GOLM2: variants seen among roughly 807,000 people sequenced by gnomAD.
The protein encoded by GOLM2 is golgi membrane protein 2.
GOLM2 carries 26 observed loss-of-function variants against 55.9 expected under a neutral mutation model. The observed-to-expected ratio is 0.47, with a 90% confidence interval of 0.34 to 0.65. The LOEUF (loss-of-function observed/expected upper bound fraction) is 0.65. Ranked by LOEUF, GOLM2 falls within the 30% of genes least tolerant of loss-of-function variation. GOLM2 has a pLI of 0.01. For missense variants in GOLM2, 486 were observed against 531.8 expected, an observed-to-expected ratio of 0.91 and a Z score of 0.85; for synonymous variants, 165 against 194.6, an observed-to-expected ratio of 0.85 and a Z score of 1.27.
intron 1 of GOLM2, among the ~76,000 whole-genome samples, chr15:44,311,017 A>AAAC (rs768821446): frequency 1.1e-4 from 17 of 152,098 alleles, no homozygotes; most frequent in Admixed American, 2.0e-4. Flanking sequence ...ACTTCATTTC[A>AAAC]AACAACAACA....
In GOLM2 at chr15:44,289,018, C is replaced by G; in HGVS notation, c.-12C>G. ...GCGGCGAGGCCCCTAGGGTACAGCCCGATTTGGCCCCATGGTGGGTTTCGG... is the reference window on the plus strand; with the variant it reads ...GCGGCGAGGCCCCTAGGGTACAGCCGGATTTGGCCCCATGGTGGGTTTCGG... On this transcript the variant is annotated 5_prime_UTR_variant, in exon 1 of 10. Transcript: ENST00000299957. This position sits in a 1 kb window ranked among gnomAD's most constrained non-coding sequence, Gnocchi z 4.8. 6.2e-7 allele frequency: 1 copy of G among 1,609,116 alleles called. No homozygotes were observed. Among genetic ancestry groups the G allele is most frequent in the Non-Finnish European group, 8.5e-7 (1 of 1,177,202 alleles).
At chr15:44,328,168 A>C (rs931626292) in intron 2 of GOLM2, among the ~76,000 whole-genome samples, 3 of 152,274 alleles carry the variant, frequency 2.0e-5, no homozygotes, top group Admixed American at 2.0e-4. Context: ...AAGCCACTGA[A>C]GCTATATTTT....
At chr15:44,374,243 C>T (rs79849826) in intron 6 of GOLM2, among the ~76,000 whole-genome samples, 2,887 of 152,186 alleles carry the variant, frequency 0.019, 39 homozygotes, top group Non-Finnish European at 0.028. Context: ...TGTATTTTCT[C>T]TTTGTGATAA....
intron 1 of GOLM2, among the ~76,000 whole-genome samples, chr15:44,295,236 T>G (rs1414004125): frequency 6.6e-6 from 1 of 152,148 alleles, no homozygotes; most frequent in Non-Finnish European, 1.5e-5. Flanking sequence ...CATGCCACCA[T>G]GCCTGGCTAA....
chr15:44,321,512 G>A (rs1325515699), intron 1 of GOLM2, among the ~76,000 whole-genome samples: 6 of 150,616 alleles, frequency 4.0e-5, no homozygotes, highest in Non-Finnish European at 8.9e-5. Flanking sequence ...GCATGAGGGA[G>A]ATCTTTGTGA....
At chr15:44,321,994 A>G (rs1392097958) in intron 1 of GOLM2, among the ~76,000 whole-genome samples, 1 of 152,162 alleles carries the variant, frequency 6.6e-6, no homozygotes, top group Non-Finnish European at 1.5e-5. Context: ...CTGGAGGTCA[A>G]GGCTGCAGTG....
At chr15:44,351,047 C>T (rs1420251690) in intron 6 of GOLM2, among the ~76,000 whole-genome samples, 1 of 152,076 alleles carries the variant, frequency 6.6e-6, no homozygotes, top group Non-Finnish European at 1.5e-5. Context: ...AACTGAAAGC[C>T]TTTTCTCTAA....
At chr15:44,367,744 G>C (rs1223458446) in intron 6 of GOLM2, among the ~76,000 whole-genome samples, 1 of 150,244 alleles carries the variant, frequency 6.7e-6, no homozygotes, top group Non-Finnish European at 1.5e-5. Context: ...GCAGTGAGCC[G>C]AGACCACGCC....
intron 9 of GOLM2, among the ~76,000 whole-genome samples, chr15:44,405,777 C>G (rs1039149776): frequency 6.6e-6 from 1 of 152,050 alleles, no homozygotes; most frequent in Non-Finnish European, 1.5e-5. Flanking sequence ...TGCACCACCA[C>G]GTCCAGCTAA....
intron 9 of GOLM2, chr15:44,409,744 T>TG: frequency 7.7e-6 from 1 of 130,564 alleles, no homozygotes; most frequent in African/African-American, 2.9e-5. Context: ...CCGTCTCTAC[T>TG]AAAAAAAAAA....
chr15:44,358,677 G>A (rs1012237764), intron 6 of GOLM2, among the ~76,000 whole-genome samples: 24 of 152,084 alleles, frequency 1.6e-4, no homozygotes, highest in African/African-American at 3.6e-4. Context: ...AGACATAGAC[G>A]TTATACCCTC....
Position 44,380,809 on chromosome 15 carries a change from C to A in GOLM2, c.905C>A (p.Ser302Ter). 1 of 1,502,572 alleles carries A rather than the reference C, an allele frequency of 6.7e-7. No individual in the cohort carries two copies. The highest frequency in any genetic ancestry group is 8.9e-7 in the Non-Finnish European group (1 of 1,126,506). The allele number at this position is 1,502,572 out of a possible 1,614,324, so 93.1% of individuals were successfully genotyped here. Residue 302 changes from serine to a stop codon, truncating the protein, a stop_gained, in exon 8 of 10, where the codon TCA becomes TAA. Transcript: ENST00000299957. LOFTEE classifies it high-confidence loss of function. ...QPLSPNMPPD[S>*]HINHNGNPGT... ...ATTTGATGTTTTTATGCCACAGATTCACACATAAACCACAATGGAAACCCC... is the reference window on the plus strand; with the variant it reads ...ATTTGATGTTTTTATGCCACAGATTAACACATAAACCACAATGGAAACCCC...
intron 1 of GOLM2, among the ~76,000 whole-genome samples, chr15:44,310,466 A>G (rs1025547713): frequency 1.5e-4 from 20 of 133,710 alleles, no homozygotes; most frequent in East Asian, 4.7e-4. Context: ...ATATATATAT[A>G]TATGTATATA....
intron 1 of GOLM2, among the ~76,000 whole-genome samples, chr15:44,312,688 A>C (rs757973853): frequency 6.6e-6 from 1 of 151,954 alleles, no homozygotes; most frequent in Admixed American, 6.6e-5. Context: ...GCTCATGCCT[A>C]TAATCCCAGC....
chr15:44,408,788 C>T (rs912749929), intron 9 of GOLM2, among the ~76,000 whole-genome samples: 5 of 152,018 alleles, frequency 3.3e-5, no homozygotes, highest in African/African-American at 1.2e-4. Context: ...GGTGAAACCC[C>T]GTCTCTACTA....
chr15:44,356,572 T>C (rs556796589), intron 6 of GOLM2, among the ~76,000 whole-genome samples: 6 of 152,270 alleles, frequency 3.9e-5, no homozygotes, highest in Middle Eastern at 3.4e-3. Context: ...ATTGAATCAA[T>C]AATAACCTTC....
intron 1 of GOLM2, among the ~76,000 whole-genome samples, chr15:44,302,777 C>A (rs144614732): frequency 2.0e-5 from 3 of 152,128 alleles, no homozygotes; most frequent in African/African-American, 7.2e-5. Flanking sequence ...AAGCATGAGC[C>A]ACCATATCCA....
chr15:44,384,786 G>A (rs2079430266), intron 8 of GOLM2, among the ~76,000 whole-genome samples: 1 of 151,870 alleles, frequency 6.6e-6, no homozygotes, highest in Non-Finnish European at 1.5e-5. Context: ...GCGCATGCCT[G>A]TAATCCAAGC....
At chr15:44,310,793 C>T (rs147735887) in intron 1 of GOLM2, among the ~76,000 whole-genome samples, 7,107 of 151,940 alleles carry the variant, frequency 0.047, 272 homozygotes, top group East Asian at 0.19. Context: ...CCAAGGCGGG[C>T]GGATCACGAG....
Sources: allele counts gnomAD v4.1 joint callset (sites outside exome capture counted in the v4.1 genomes callset), GRCh38; gene constraint gnomAD v4.1.1; non-coding constraint Gnocchi (gnomAD v3.1); transcripts MANE v1.5; gene names NCBI Gene and HGNC (gene_info 2026-07-23, HGNC 2026-07-21).